PON1: variants seen among roughly 807,000 people sequenced by gnomAD.
PON1 encodes the protein serum paraoxonase/arylesterase 1.
Under a neutral mutation model 39.2 loss-of-function variants are expected in PON1, and 37 were observed. The ratio of observed to expected loss-of-function variants is 0.94; its 90% CI spans 0.73 to 1.24. PON1 has a LOEUF of 1.24. Ranked by LOEUF, PON1 falls within the 50% of genes most tolerant of loss-of-function variation. PON1 has a pLI of 0.00. For missense variants in PON1, 397 were observed against 413.5 expected, an observed-to-expected ratio of 0.96 and a Z score of 0.35; for synonymous variants, 148 against 152.2, an observed-to-expected ratio of 0.97 and a Z score of 0.21.
chr7:95,313,454 A>C (rs887224494), intron 4 of PON1, among the ~76,000 whole-genome samples: 3 of 152,200 alleles, frequency 2.0e-5, no homozygotes, highest in Non-Finnish European at 2.9e-5. Flanking sequence ...ATGCAGAAGA[A>C]ATTTATAGAA....
intron 4 of PON1, among the ~76,000 whole-genome samples, chr7:95,314,183 A>C (rs2116317816): frequency 6.6e-6 from 1 of 151,790 alleles, no homozygotes; most frequent in South Asian, 2.1e-4. Flanking sequence ...ACATGGTGAA[A>C]CCCCCGTCTC....
rs549471474 is a variant in PON1, at chr7:95,309,711, G to GT, written c.498-1501dup. The stretch of plus-strand genomic sequence containing the variant: ...TCTCTGTATACCTTGAAAGGCTAGA[G>GT]TAAGAATACAATGAAATAATGAATG... On this transcript the variant is annotated intron_variant, in intron 5 of 8. Coordinates refer to ENST00000222381, the MANE Select transcript of PON1 (RefSeq NM_000446.7). Among the ~76,000 whole-genome samples, 228 of 152,184 alleles carry GT rather than the reference G, an allele frequency of 1.5e-3. 1 individual carries two copies. Among genetic ancestry groups the GT allele is most frequent in the African/African-American group, 5.2e-3 (214 of 41,512 alleles).
In PON1 at chr7:95,311,482, G is replaced by C; in HGVS notation, c.466C>G (p.Leu156Val). 6.2e-7 allele frequency: 1 copy of C among 1,614,056 alleles called. No individual in the cohort carries two copies. The highest frequency in any genetic ancestry group is 8.5e-7 in the Non-Finnish European group (1 of 1,179,928). ...FQEEEKSLLH[L>V]KTIRHKLLPN... Reference sequence around the variant, plus strand: ...AGAAGTTTATGTCTGATGGTTTTTAGATGCAAAAGCGATTTTTCTTCTTCT... The same window carrying C: ...AGAAGTTTATGTCTGATGGTTTTTACATGCAAAAGCGATTTTTCTTCTTCT... Residue 156 changes from leucine (L) to valine (V), a missense_variant, in exon 5 of 9, where the codon CTA (leucine) becomes GTA (valine). Leu to Val is a conservative substitution (Grantham distance 32). Coordinates refer to ENST00000222381, the MANE Select transcript of PON1 (RefSeq NM_000446.7).
At chr7:95,318,813 C>A (rs1807829713) in intron 1 of PON1, among the ~76,000 whole-genome samples, 1 of 152,168 alleles carries the variant, frequency 6.6e-6, no homozygotes, top group Admixed American at 6.5e-5. Flanking sequence ...GCAGCCTGGA[C>A]TGGGCATCTG....
At chr7:95,317,413 G>A (rs915658115) in intron 2 of PON1, among the ~76,000 whole-genome samples, 3 of 151,676 alleles carry the variant, frequency 2.0e-5, no homozygotes, top group African/African-American at 7.3e-5. Context: ...ACACTTAGTG[G>A]AAAGTTTGCT....
At chr7:95,318,282 CG>C in intron 2 of PON1, 40 bp downstream of exon 2, 1 of 1,519,398 alleles carries the variant, frequency 6.6e-7, no homozygotes. Flanking sequence ...AAAAAAATAC[CG>C]GAAGTTCAAA....
chr7:95,298,552 C>T lies in PON1; in HGVS notation c.*392G>A, dbSNP rs367585159. The T allele has an allele frequency of 8.4e-4, 282 of 337,578 alleles. No homozygotes were observed. The highest frequency in any genetic ancestry group is 5.2e-3 in the African/African-American group (242 of 46,834). The allele number at this position is 337,578 out of a possible 1,614,324, so 20.9% of individuals were successfully genotyped here. A position where few individuals can be genotyped will look rare whatever the true frequency, so the allele number is the denominator to read the frequency against. ...GGAGTTCTAAAGACACGTGAGCTAA[C>T]CCTGCTCCCCTGTGTCTTCTGAACA... On this transcript the variant is annotated 3_prime_UTR_variant, in exon 9 of 9. Coordinates refer to ENST00000222381, the MANE Select transcript of PON1 (RefSeq NM_000446.7).
chr7:95,304,128 A>C (rs960484238), intron 7 of PON1, among the ~76,000 whole-genome samples: 9 of 152,134 alleles, frequency 5.9e-5, no homozygotes, highest in African/African-American at 2.2e-4. Context: ...CCATTAAACA[A>C]TAGCTCCCTA....
intron 7 of PON1, 96 bp from the exon 8 acceptor site, chr7:95,302,429 G>T: frequency 9.4e-7 from 1 of 1,059,216 alleles, no homozygotes; most frequent in East Asian, 2.5e-5. Flanking sequence ...TCTTGTCCTT[G>T]GTCACCACGC....
At position 95,315,321 on chromosome 7, in the gene PON1, C is replaced by A; in HGVS notation, c.370+1G>T. The A allele has an allele frequency of 6.2e-7, 1 of 1,610,854 alleles. No homozygotes were observed. The highest frequency in any genetic ancestry group is 8.5e-7 in the Non-Finnish European group (1 of 1,177,540). On this transcript the variant is annotated splice_donor_variant, in intron 4 of 8. Transcript: ENST00000222381. LOFTEE classifies it high-confidence loss of function. ...TTTTAATAAATAGTAAATATTGTTA[C>A]CTTCATCTGTGAATGTGCTAATCCC... is the stretch of plus-strand genomic sequence containing the variant.
chr7:95,317,342 AT>A (rs1378129596), intron 2 of PON1, among the ~76,000 whole-genome samples: 1 of 152,130 alleles, frequency 6.6e-6, no homozygotes, highest in Non-Finnish European at 1.5e-5. Context: ...CTTTAAGTAC[AT>A]GTAAATTTTT....
rs749571140 is a variant in PON1 at position 95,324,491 on chromosome 7, A to C, written c.-16T>G. 2 of 1,613,136 alleles carry C rather than the reference A, an allele frequency of 1.2e-6. No homozygotes were observed. The highest frequency in any genetic ancestry group is 1.7e-6 in the Non-Finnish European group (2 of 1,179,340). On this transcript the variant is annotated 5_prime_UTR_variant, in exon 1 of 9. Transcript: ENST00000222381. The stretch of plus-strand genomic sequence containing the variant: ...GCTTCGCCATGGTCGGGGATAGACA[A>C]AGGGATCGATGGGCGCAGACACCGA...
intron 1 of PON1, among the ~76,000 whole-genome samples, chr7:95,320,211 G>C (rs1807864784): frequency 6.6e-6 from 1 of 152,148 alleles, no homozygotes; most frequent in Non-Finnish European, 1.5e-5. Context: ...CAAAACCAAT[G>C]GGAAGAATAC....
Position 95,316,740 on chromosome 7 carries a change from A to T in PON1, c.195T>A (p.Ile65=), listed in dbSNP as rs1329324214. ...LEILPNGLAF[I]SSGLKYPGIK... is the part of the protein sequence containing the mutation. ...AGTGAAAGAAAACACTCACAGAGCT[A>T]ATGAAAGCCAGTCCATTAGGCAGTA... Residue 65 remains isoleucine, a synonymous_variant, in exon 3 of 9, where the codon ATT becomes ATA. Transcript: ENST00000222381. The T allele has an allele frequency of 1.9e-6, 3 of 1,613,164 alleles. No individual in the cohort carries two copies. Among genetic ancestry groups the T allele is most frequent in the Middle Eastern group, 1.7e-4 (1 of 6,056 alleles).
intron 4 of PON1, among the ~76,000 whole-genome samples, chr7:95,313,618 A>ACG (rs1807702250): frequency 6.8e-6 from 1 of 147,184 alleles, no homozygotes; most frequent in African/African-American, 2.5e-5. Flanking sequence ...ATATATGTAT[A>ACG]TGTGTGTGTG....
At chr7:95,302,072 G>A (rs1393411788) in intron 8 of PON1, 133 bp downstream of exon 8, 8 of 938,900 alleles carry the variant, frequency 8.5e-6, no homozygotes, top group Non-Finnish European at 1.2e-5. Context: ...ACTCCAGCCT[G>A]GGCGACAGAG....
At chr7:95,310,838 C>T (rs1807637765) in intron 5 of PON1, among the ~76,000 whole-genome samples, 1 of 152,178 alleles carries the variant, frequency 6.6e-6, no homozygotes, top group East Asian at 1.9e-4. Flanking sequence ...CCATCACTGG[C>T]CTTACAAGCC....
At chr7:95,322,348 G>A (rs60656496) in intron 1 of PON1, among the ~76,000 whole-genome samples, 12,553 of 127,814 alleles carry the variant, frequency 0.098, 679 homozygotes, top group East Asian at 0.2. Flanking sequence ...GTGTGTGTGT[G>A]TGTATATATA....
At chr7:95,308,570 A>G (rs2116310184) in intron 5 of PON1, among the ~76,000 whole-genome samples, 1 of 151,966 alleles carries the variant, frequency 6.6e-6, no homozygotes, top group South Asian at 2.1e-4. Context: ...TTAAGCCAGA[A>G]ATCATTGTCA....
Sources: gnomAD v4.1 joint callset for allele counts (sites outside exome capture counted in the v4.1 genomes callset) on GRCh38, gnomAD v4.1.1 for gene constraint, MANE v1.5 for transcripts, NCBI Gene and HGNC (gene_info 2026-07-23, HGNC 2026-07-21) for gene names.